The following WDR64 variants were observed in gnomAD, a reference collection of about 807,000 sequenced individuals.
WDR64 encodes WD repeat-containing protein 64.
Under a neutral mutation model 139.3 loss-of-function variants are expected in WDR64, and 112 were observed. The observed-to-expected ratio is 0.80, with a 90% CI of 0.69 to 0.94. The LOEUF (loss-of-function observed/expected upper bound fraction) is 0.94. WDR64 is among the 40% of genes least tolerant of loss of function. The pLI is 0.00. For missense variants in WDR64, 1,206 were observed against 1,293.1 expected, an observed-to-expected ratio of 0.93 and a Z score of 1.03; for synonymous variants, 444 against 437.7, an observed-to-expected ratio of 1.01 and a Z score of -0.18.
intron 6 of WDR64, among the ~76,000 whole-genome samples, chr1:241,682,711 T>C (rs1311432648): frequency 6.6e-6 from 1 of 152,236 alleles, no homozygotes; most frequent in Non-Finnish European, 1.5e-5. Context: ...CTCCTCTTAA[T>C]CTTCCTCTCA....
At chr1:241,746,525 TA>T (rs111783354) in intron 13 of WDR64, among the ~76,000 whole-genome samples, 57 of 147,658 alleles carry the variant, frequency 3.9e-4, no homozygotes, top group African/African-American at 9.4e-4. Context: ...GGTGGTGTTT[TA>T]AAAAAAAAAG....
At chr1:241,699,105 G>C (rs1218013369) in intron 8 of WDR64, among the ~76,000 whole-genome samples, 1 of 152,084 alleles carries the variant, frequency 6.6e-6, no homozygotes, top group Non-Finnish European at 1.5e-5. Flanking sequence ...TCTCCCACAG[G>C]GTCCCTCCTA....
chr1:241,790,832 G>C (rs1659194853), intron 25 of WDR64, 136 bp downstream of exon 25: 1 of 726,212 alleles, frequency 1.4e-6, no homozygotes, highest in Non-Finnish European at 2.2e-6. Flanking sequence ...CTATAAACTT[G>C]GTGGCTTAAA....
chr1:241,796,329 A>T lies in WDR64; in HGVS notation c.3151A>T (p.Ile1051Phe), dbSNP rs1326020466. 6.2e-7 allele frequency: 1 copy of T among 1,613,922 alleles called. No individual in the cohort carries two copies. Among genetic ancestry groups the T allele is most frequent in the Non-Finnish European group, 8.5e-7 (1 of 1,179,904 alleles). The change falls in exon 27 of 28, where the codon ATT (isoleucine) becomes TTT (phenylalanine). Residue 1051 changes from isoleucine (I) to phenylalanine (F), a missense_variant. Physicochemically the swap from Ile to Phe is conservative, Grantham distance 21. Coordinates refer to ENST00000437684, the MANE Select transcript of WDR64 (RefSeq NM_001367482.1). ...VEAQKDSSDG[I>F]TGKKKGGHVQ... ...AGCCCAAAAGGACTCTTCAGATGGCATTACAGGAAAGAAGAAGGGAGGTCA... is the reference window on the plus strand; with the variant it reads ...AGCCCAAAAGGACTCTTCAGATGGCTTTACAGGAAAGAAGAAGGGAGGTCA...
chr1:241,762,628 T>C (rs1166722164), intron 15 of WDR64, among the ~76,000 whole-genome samples: 4 of 152,116 alleles, frequency 2.6e-5, no homozygotes, highest in African/African-American at 2.4e-5. Flanking sequence ...AGATAAGTGG[T>C]CAGACACTAA....
chr1:241,714,595 T>G (rs1184490102), intron 9 of WDR64, among the ~76,000 whole-genome samples: 4 of 152,228 alleles, frequency 2.6e-5, no homozygotes. Context: ...AAAGTTAATT[T>G]TTTTTTCAAG....
intron 8 of WDR64, among the ~76,000 whole-genome samples, chr1:241,689,042 G>C (rs1312834068): frequency 6.6e-6 from 1 of 152,136 alleles, no homozygotes; most frequent in Non-Finnish European, 1.5e-5. Flanking sequence ...ACAGAGGGAA[G>C]GAAAACATCC....
chr1:241,786,694 T>C (rs1009421469), intron 23 of WDR64, among the ~76,000 whole-genome samples: 3 of 152,202 alleles, frequency 2.0e-5, no homozygotes, highest in Non-Finnish European at 2.9e-5. Context: ...TTGATGCTGA[T>C]TTGAAAAGTA....
At chr1:241,777,037 A>C (rs1364807132) in intron 21 of WDR64, among the ~76,000 whole-genome samples, 3 of 152,178 alleles carry the variant, frequency 2.0e-5, no homozygotes, top group Admixed American at 6.5e-5. Flanking sequence ...GAGGGCTGCT[A>C]TCTATTCACT....
chr1:241,685,693 C>A (rs1012690894), intron 7 of WDR64, among the ~76,000 whole-genome samples: 13 of 152,148 alleles, frequency 8.5e-5, no homozygotes, highest in Non-Finnish European at 1.5e-5. Context: ...GGAATTAAGA[C>A]TAGTCCCATT....
intron 9 of WDR64, among the ~76,000 whole-genome samples, chr1:241,720,458 A>T (rs1420584242): frequency 6.6e-6 from 1 of 152,176 alleles, no homozygotes; most frequent in Non-Finnish European, 1.5e-5. Flanking sequence ...CAACTTTGCC[A>T]GCATCTCTTG....
chr1:241,682,640 AT>A (rs939864783), intron 6 of WDR64, among the ~76,000 whole-genome samples: 1 of 151,716 alleles, frequency 6.6e-6, no homozygotes, highest in African/African-American at 2.4e-5. Flanking sequence ...GAATTTTAGG[AT>A]TTTTTTTCTA....
Position 241,723,455 on chromosome 1 carries a change from C to A in WDR64, c.1194+19C>A. ...TGCAAAGGTAACAAAAAGAAAATAA[C>A]AAAACAAAACTAGTTTTTTCCGGAA... On this transcript the variant is annotated intron_variant, in intron 10 of 27. Coordinates refer to ENST00000437684, the MANE Select transcript of WDR64 (RefSeq NM_001367482.1). The A allele has an allele frequency of 6.2e-7, 1 of 1,609,968 alleles. No individual in the cohort carries two copies. The highest frequency in any genetic ancestry group is 2.2e-5 in the East Asian group (1 of 44,674).
At chr1:241,771,795 T>TAAGG in intron 19 of WDR64, 98 bp downstream of exon 19, 5 of 619,008 alleles carry the variant, frequency 8.1e-6, no homozygotes, top group Non-Finnish European at 1.2e-5. Flanking sequence ...ATATATTCCT[T>TAAGG]AATATATAAA....
chr1:241,752,775 T>C (rs1280049263), intron 14 of WDR64, among the ~76,000 whole-genome samples: 1 of 152,126 alleles, frequency 6.6e-6, no homozygotes, highest in Non-Finnish European at 1.5e-5. Context: ...TGCTTGATCC[T>C]GGGAAGTCAA....
chr1:241,711,908 G>A, intron 9 of WDR64, 27 bp downstream of exon 9: 1 of 1,609,434 alleles, frequency 6.2e-7, no homozygotes, highest in Non-Finnish European at 8.5e-7. Flanking sequence ...CATTACATAG[G>A]GGTTTTCTAC....
chr1:241,670,663 G>C (rs1666191318), intron 2 of WDR64, among the ~76,000 whole-genome samples: 1 of 152,202 alleles, frequency 6.6e-6, no homozygotes, highest in Admixed American at 6.5e-5. Context: ...TGATCAGTGG[G>C]GGAGAGAGCA....
In WDR64 at chr1:241,783,400, A is replaced by G; in HGVS notation, c.2705+19A>G. The stretch of plus-strand genomic sequence containing the variant: ...CAGTAAGGTAGGCCAAGATGGCATC[A>G]TACTGTGAATTCAGTACTGTGAGCA... On this transcript the variant is annotated intron_variant, in intron 23 of 27. Coordinates refer to ENST00000437684, the MANE Select transcript of WDR64 (RefSeq NM_001367482.1). 1 of 1,573,084 alleles carries G rather than the reference A, an allele frequency of 6.4e-7. No individual in the cohort carries two copies.
At chr1:241,694,085 G>A (rs182758112) in intron 8 of WDR64, among the ~76,000 whole-genome samples, 61 of 151,464 alleles carry the variant, frequency 4.0e-4, no homozygotes, top group African/African-American at 1.5e-3. Context: ...AGGTGCTCTT[G>A]AGCTGTTTAA....
Sources: gnomAD v4.1 joint callset for allele counts (sites outside exome capture counted in the v4.1 genomes callset) on GRCh38, gnomAD v4.1.1 for gene constraint, MANE v1.5 for transcripts, NCBI Gene and HGNC (gene_info 2026-07-23, HGNC 2026-07-21) for gene names.